RHOBTB3: variants seen among roughly 807,000 people sequenced by gnomAD.
The protein encoded by RHOBTB3 is Rho related BTB domain containing 3.
In RHOBTB3, 47 loss-of-function variants were observed where a neutral mutation model predicts 67.2. The ratio of observed to expected loss-of-function variants is 0.70; its 90% CI spans 0.55 to 0.89. The LOEUF (loss-of-function observed/expected upper bound fraction) is 0.89. Among genes scored for constraint, RHOBTB3 ranks in the 40% least tolerant of loss-of-function variants. The pLI, the probability that RHOBTB3 is intolerant of heterozygous loss-of-function variation, is 0.00. For synonymous variants in RHOBTB3, 273 were observed against 274.2 expected, an observed-to-expected ratio of 1.00 and a Z score of 0.04; for missense variants, 631 against 750.0, an observed-to-expected ratio of 0.84 and a Z score of 1.85.
rs531634427 is a variant in RHOBTB3, at chr5:95,762,811, A to G, written c.1049-697A>G. ...GACCAAGTAAGAGAAGTCCTTGGGGAAAAGGTCAGCTTTTGCTGACCATAG... is the reference window on the plus strand; with the variant it reads ...GACCAAGTAAGAGAAGTCCTTGGGGGAAAGGTCAGCTTTTGCTGACCATAG... On this transcript the variant is annotated intron_variant, in intron 6 of 11. Transcript: ENST00000379982. Among the ~76,000 whole-genome samples the G allele has an allele frequency of 3.8e-4, 58 of 152,304 alleles. No individual in the cohort carries two copies. In the South Asian group the frequency reaches 0.012, roughly 31 times the overall value.
In RHOBTB3 at chr5:95,795,879, T is replaced by C. The variant is rs1208684976; in HGVS notation, c.*2705T>C. ...TTGTGCTGGTTTCTGCTTCCATATA[T>C]TTCCCAGTCATTTTAATTAGAGAAG... is the stretch of plus-strand genomic sequence containing the variant. On this transcript the variant is annotated 3_prime_UTR_variant, in exon 12 of 12. Transcript: ENST00000379982. The C allele has an allele frequency of 6.6e-6, 1 of 152,120 alleles. No individual in the cohort carries two copies. Among genetic ancestry groups the C allele is most frequent in the Non-Finnish European group, 1.5e-5 (1 of 68,032 alleles). The allele number at this position is 152,120 out of a possible 1,614,324, so 9.4% of individuals were successfully genotyped here. A position where few individuals can be genotyped will look rare whatever the true frequency, so the allele number is the denominator to read the frequency against.
At chr5:95,717,624 G>C (rs1754721709), upstream of RHOBTB3, 1 of 152,180 alleles carries the variant, frequency 6.6e-6, no homozygotes, top group African/African-American at 2.4e-5. Context: ...TGCTGCCTCT[G>C]ATCTCTGCAT....
chr5:95,781,539 G>A (rs1207743660), intron 9 of RHOBTB3: 1 of 152,368 alleles, frequency 6.6e-6, no homozygotes, highest in African/African-American at 2.4e-5. Context: ...GCCAGTTGCA[G>A]TTGTTTCTGT....
At chr5:95,734,957 T>C (rs1755418656) in intron 2 of RHOBTB3, among the ~76,000 whole-genome samples, 1 of 152,244 alleles carries the variant, frequency 6.6e-6, no homozygotes, top group Non-Finnish European at 1.5e-5. Context: ...CAGCTACTTT[T>C]GATTTATTCT....
At chr5:95,724,078 T>C (rs1052608199) in intron 1 of RHOBTB3, among the ~76,000 whole-genome samples, 16 of 152,210 alleles carry the variant, frequency 1.1e-4, no homozygotes, top group African/African-American at 3.9e-4. Flanking sequence ...CAAAAGTTAT[T>C]GTGAATAAAG....
intron 7 of RHOBTB3, 39 bp from the exon 8 acceptor site, chr5:95,768,007 T>G: frequency 6.2e-7 from 1 of 1,601,320 alleles, no homozygotes; most frequent in Non-Finnish European, 8.6e-7. Context: ...TCAAAGCATG[T>G]TAAACAACCT....
upstream of RHOBTB3, among the ~76,000 whole-genome samples, chr5:95,730,121 C>T (rs146776534): frequency 6.6e-6 from 1 of 151,982 alleles, no homozygotes; most frequent in African/African-American, 2.4e-5. Context: ...GAATATCTCC[C>T]ATTATATCCT....
intron 8 of RHOBTB3, among the ~76,000 whole-genome samples, chr5:95,771,677 T>C (rs540356012): frequency 6.6e-5 from 10 of 152,364 alleles, no homozygotes; most frequent in African/African-American, 2.4e-4. Context: ...AAGACAACTT[T>C]CATAAATTAC....
rs181422513 is a variant in RHOBTB3, at chr5:95,739,776, C to T, written c.415+2701C>T. 3.7e-3 allele frequency among the ~76,000 whole-genome samples: 560 copies of T among 152,202 alleles called. 5 individuals are homozygous for T. The highest frequency in any genetic ancestry group is 4.4e-3 in the Non-Finnish European group (298 of 68,028). On this transcript the variant is annotated intron_variant, in intron 3 of 11. Coordinates refer to ENST00000379982, the MANE Select transcript of RHOBTB3 (RefSeq NM_014899.4). ...CTCAGGCTGGTCTCCATCTCCTAGA[C>T]TCAAGCCATCTGCCCCCCTCAGTCT...
chr5:95,741,567 G>C (rs1351583194), intron 3 of RHOBTB3, among the ~76,000 whole-genome samples: 1 of 64,946 alleles, frequency 1.5e-5, no homozygotes, highest in African/African-American at 6.9e-5. Flanking sequence ...TTGCTGTGTT[G>C]CCTAGGCTGG....
In RHOBTB3 at chr5:95,780,437, A is replaced by G; in HGVS notation, c.1456+12A>G. On this transcript the variant is annotated intron_variant, in intron 9 of 11. Coordinates refer to ENST00000379982, the MANE Select transcript of RHOBTB3 (RefSeq NM_014899.4). Reference sequence around the variant, plus strand: ...CTCCTGCTGCCCAGGTTAGCAATACAAATGTTGATAGTATCTCAGAATTCT... The same window carrying G: ...CTCCTGCTGCCCAGGTTAGCAATACGAATGTTGATAGTATCTCAGAATTCT... 1 of 1,608,520 alleles carries G rather than the reference A, an allele frequency of 6.2e-7. No homozygotes were observed. Among genetic ancestry groups the G allele is most frequent in the Non-Finnish European group, 8.5e-7 (1 of 1,175,146 alleles).
chr5:95,734,412 A>C (rs967616321), intron 2 of RHOBTB3, among the ~76,000 whole-genome samples: 4 of 152,128 alleles, frequency 2.6e-5, no homozygotes, highest in Non-Finnish European at 5.9e-5. Context: ...GATTTTCTTC[A>C]TAATTCTAGA....
At chr5:95,746,169 C>A (rs982338129) in intron 3 of RHOBTB3, among the ~76,000 whole-genome samples, 8 of 152,114 alleles carry the variant, frequency 5.3e-5, no homozygotes, top group Non-Finnish European at 1.0e-4. Flanking sequence ...AAGTTGCTTA[C>A]AACCACGCAC....
At chr5:95,730,197 TTGCCCTAGTTTTTTTAC>T (rs1170285349), upstream of RHOBTB3, among the ~76,000 whole-genome samples, 1 of 152,142 alleles carries the variant, frequency 6.6e-6, no homozygotes, top group Non-Finnish European at 1.5e-5. Flanking sequence ...TAAAAAGCTG[TTGCCCTAGTTTTTTTAC>T]TGCCCTACTC....
intron 1 of RHOBTB3, among the ~76,000 whole-genome samples, chr5:95,722,650 C>G (rs546046353): frequency 8.5e-5 from 13 of 152,264 alleles, no homozygotes; most frequent in African/African-American, 3.1e-4. Context: ...CCACCATGCC[C>G]GGCTAATTTT....
At chr5:95,771,367 G>T (rs1745706068) in intron 8 of RHOBTB3, among the ~76,000 whole-genome samples, 1 of 152,198 alleles carries the variant, frequency 6.6e-6, no homozygotes, top group Admixed American at 6.5e-5. Context: ...TCCTCAGAAA[G>T]ATGCACATTA....
intron 7 of RHOBTB3, among the ~76,000 whole-genome samples, chr5:95,763,981 T>G (rs1194974352): frequency 1.3e-5 from 2 of 152,088 alleles, no homozygotes; most frequent in African/African-American, 2.4e-5. Context: ...GGCTAATTTT[T>G]AAATTTTTTG....
chr5:95,738,509 T>C, intron 3 of RHOBTB3, among the ~76,000 whole-genome samples: 1 of 152,176 alleles, frequency 6.6e-6, no homozygotes, highest in Admixed American at 6.5e-5. Flanking sequence ...AATGGATTGA[T>C]GCTATTATCT....
chr5:95,731,230 ACCC>A, upstream of RHOBTB3: 2 of 1,002,264 alleles, frequency 2.0e-6, no homozygotes, highest in Non-Finnish European at 2.4e-6. Flanking sequence ...CATCCGCCCG[ACCC>A]CCGGGGCTGG....
Sources: gnomAD v4.1 joint callset for allele counts (sites outside exome capture counted in the v4.1 genomes callset) on GRCh38, gnomAD v4.1.1 for gene constraint, MANE v1.5 for transcripts, NCBI Gene and HGNC (gene_info 2026-07-23, HGNC 2026-07-21) for gene names.